Variants in NNT observed in about 807,000 individuals in gnomAD.
The protein encoded by NNT is nicotinamide nucleotide transhydrogenase.
Under a neutral mutation model 104.8 loss-of-function variants are expected in NNT, and 50 were observed. The ratio of observed to expected loss-of-function variants is 0.48; its 90% CI spans 0.38 to 0.60. NNT has a LOEUF of 0.60. NNT is among the 20% of genes least tolerant of loss of function. The pLI is 0.00. For missense variants in NNT, 1,131 were observed against 1,330.7 expected (o/e 0.85, Z 2.33); for synonymous variants, 461 against 490.4 (o/e 0.94, Z 0.79).
intron 10 of NNT, chr5:43,647,814 T>C (rs1452813600): frequency 2.4e-6 from 1 of 424,542 alleles, no homozygotes; most frequent in East Asian, 7.0e-5. Context: ...GTCATGATAA[T>C]AGCTAGCATT....
Position 43,706,311 on chromosome 5 carries a change from G to T in NNT, c.*1907G>T, listed in dbSNP as rs2112280244. 6.6e-6 allele frequency: 1 copy of T among 151,638 alleles called. No individual in the cohort carries two copies. Among genetic ancestry groups the T allele is most frequent in the Non-Finnish European group, 1.5e-5 (1 of 67,848 alleles). The allele number at this position is 151,638 out of a possible 1,614,324, so 9.4% of individuals were successfully genotyped here. A position where few individuals can be genotyped will look rare whatever the true frequency, so the allele number is the denominator to read the frequency against. On this transcript the variant is annotated 3_prime_UTR_variant, in exon 22 of 22. Transcript: ENST00000344920. The stretch of plus-strand genomic sequence containing the variant: ...GCAAAAATCTAAAAACAACAAAAAT[G>T]ATTTTTATACATTCTATTTCATTAT...
intron 17 of NNT, among the ~76,000 whole-genome samples, chr5:43,674,885 A>G (rs759043877): frequency 8.5e-5 from 13 of 152,160 alleles, no homozygotes; most frequent in Non-Finnish European, 1.9e-4. Context: ...AATTTTAAAG[A>G]GTATATAACC....
chr5:43,677,792 A>G lies in NNT; in HGVS notation c.2862A>G (p.Gln954=). The change falls in exon 19 of 22, where the codon CAA becomes CAG. Residue 954 remains glutamine (Q), a synonymous_variant. Transcript: ENST00000344920. ...IADLVKMLTE[Q]GKKVRFGIHP... is the part of the protein sequence containing the mutation. Reference sequence around the variant, plus strand: ...ATTTGGTAAAGATGCTCACTGAGCAAGGCAAAAAAGTCAGGTAAGCGTTTG... The same window carrying G: ...ATTTGGTAAAGATGCTCACTGAGCAGGGCAAAAAAGTCAGGTAAGCGTTTG... 1.9e-6 allele frequency: 3 copies of G among 1,613,624 alleles called. No homozygotes were observed. Among genetic ancestry groups the G allele is most frequent in the Non-Finnish European group, 2.5e-6 (3 of 1,179,586 alleles).
chr5:43,661,389 T>TTTTATTTATTTA lies in NNT; in HGVS notation c.2634+2059_2634+2070dup, dbSNP rs372098953. ...AACTTGCGGTTTGTCAGAAAGTGGCTTTTATTTATTTATTTATTTATTTAT... is the reference window on the plus strand; with the variant it reads ...AACTTGCGGTTTGTCAGAAAGTGGCTTTTATTTATTTATTTATTTATTTATTTATTTATTTAT... On this transcript the variant is annotated intron_variant, in intron 17 of 21. Coordinates refer to ENST00000344920, the MANE Select transcript of NNT (RefSeq NM_182977.3). Among the ~76,000 whole-genome samples, 747 of 151,182 alleles carry TTTTATTTATTTA rather than the reference T, an allele frequency of 4.9e-3. 16 individuals are homozygous for TTTTATTTATTTA. In the East Asian group the frequency reaches 0.072, roughly 15 times the overall value.
intron 9 of NNT, among the ~76,000 whole-genome samples, chr5:43,645,058 G>A (rs1367276662): frequency 6.6e-6 from 1 of 152,072 alleles, no homozygotes; most frequent in East Asian, 1.9e-4. Flanking sequence ...ATTGAATAAA[G>A]TAAAAATTAA....
chr5:43,694,732 TA>T (rs796156319), intron 19 of NNT, among the ~76,000 whole-genome samples: 14 of 140,846 alleles, frequency 9.9e-5, no homozygotes, highest in African/African-American at 4.0e-4. Context: ...GATATTGGCC[TA>T]AAGTTTGTGT....
chr5:43,675,920 G>T (rs1006983424), intron 18 of NNT, among the ~76,000 whole-genome samples: 1 of 152,092 alleles, frequency 6.6e-6, no homozygotes, highest in African/African-American at 2.4e-5. Context: ...GTGATTATGT[G>T]TACATGTTTA....
At chr5:43,672,406 C>G (rs542673251) in intron 17 of NNT, among the ~76,000 whole-genome samples, 2 of 152,350 alleles carry the variant, frequency 1.3e-5, no homozygotes, top group African/African-American at 4.8e-5. Flanking sequence ...TTTTCCCCAT[C>G]TTTGTGGTTT....
Position 43,700,120 on chromosome 5 carries a change from T to A in NNT, c.2878T>A (p.Phe960Ile). The stretch of plus-strand genomic sequence containing the variant: ...GCTCTTCATTTGTTTCATGTCTAGG[T>A]TTGGAATTCACCCAGTTGCAGGCCG... ...MLTEQGKKVR[F>I]GIHPVAGRMP... is the part of the protein sequence containing the mutation. Residue 960 changes from phenylalanine to isoleucine, a missense_variant and splice_region_variant, in exon 20 of 22, where the codon TTT becomes ATT. Physicochemically the swap from Phe to Ile is conservative, Grantham distance 21. Transcript: ENST00000344920. 2 of 1,611,556 alleles carry A rather than the reference T, an allele frequency of 1.2e-6. No homozygotes were observed. The highest frequency in any genetic ancestry group is 1.7e-6 in the Non-Finnish European group (2 of 1,178,552).
chr5:43,624,227 C>A, intron 6 of NNT, 107 bp downstream of exon 6: 1 of 888,934 alleles, frequency 1.1e-6, no homozygotes, highest in Non-Finnish European at 1.9e-6. Context: ...TGCAACTGGT[C>A]TATAAGCTCT....
chr5:43,654,127 G>T (rs1488966883), intron 14 of NNT, among the ~76,000 whole-genome samples: 1 of 152,076 alleles, frequency 6.6e-6, no homozygotes, highest in Non-Finnish European at 1.5e-5. Context: ...TGCTCTTGAG[G>T]TTACTTATGT....
intron 19 of NNT, among the ~76,000 whole-genome samples, chr5:43,687,628 T>G (rs2112170640): frequency 6.6e-6 from 1 of 152,340 alleles, no homozygotes; most frequent in East Asian, 1.9e-4. Context: ...GTAATAATCT[T>G]GCACGTGTTT....
At chr5:43,661,973 T>G (rs1442332086) in intron 17 of NNT, among the ~76,000 whole-genome samples, 1 of 152,162 alleles carries the variant, frequency 6.6e-6, no homozygotes, top group Non-Finnish European at 1.5e-5. Flanking sequence ...TCTAGATCCC[T>G]GAGGAATCAG....
At chr5:43,666,116 G>T (rs1024392719) in intron 17 of NNT, among the ~76,000 whole-genome samples, 6 of 152,018 alleles carry the variant, frequency 3.9e-5, no homozygotes, top group African/African-American at 1.4e-4. Context: ...GGACTGGGCG[G>T]CCGGGCAGAG....
chr5:43,665,012 CCTTCTT>C (rs1308718952), intron 17 of NNT, among the ~76,000 whole-genome samples: 1 of 151,758 alleles, frequency 6.6e-6, no homozygotes, highest in African/African-American at 2.4e-5. Flanking sequence ...GAGATTCTTT[CCTTCTT>C]CTTCATTCAG....
In NNT at chr5:43,652,739, C is replaced by A. The variant is rs190978856; in HGVS notation, c.1864-279C>A. Among the ~76,000 whole-genome samples the A allele has an allele frequency of 2.6e-5, 4 of 152,228 alleles. No homozygotes were observed. In the East Asian group the frequency reaches 7.7e-4, roughly 29 times the overall value. On this transcript the variant is annotated intron_variant, in intron 13 of 21. Transcript: ENST00000344920. ...ACACAAATAAAACATGTGGCAAAGC[C>A]CCTGGCACTTACCTCAGGGGTTGGC...
intron 2 of NNT, among the ~76,000 whole-genome samples, chr5:43,611,880 G>C (rs1370888319): frequency 1.3e-5 from 2 of 152,156 alleles, no homozygotes; most frequent in Non-Finnish European, 2.9e-5. Context: ...GCTAAAGATG[G>C]TCTGAACCAT....
At chr5:43,608,942 G>A (rs1561259135) in intron 1 of NNT, among the ~76,000 whole-genome samples, 1 of 152,168 alleles carries the variant, frequency 6.6e-6, no homozygotes, top group East Asian at 1.9e-4. Context: ...TGGATTCCAA[G>A]TTTTAAATGT....
chr5:43,669,319 T>TG (rs1408471536), intron 17 of NNT, among the ~76,000 whole-genome samples: 1 of 152,148 alleles, frequency 6.6e-6, no homozygotes, highest in Non-Finnish European at 1.5e-5. Flanking sequence ...AACACTATGT[T>TG]GAATAGGAGT....
Sources: gnomAD v4.1 joint callset for allele counts (sites outside exome capture counted in the v4.1 genomes callset) on GRCh38, gnomAD v4.1.1 for gene constraint, MANE v1.5 for transcripts, NCBI Gene and HGNC (gene_info 2026-07-23, HGNC 2026-07-21) for gene names.